The following MAGI1 variants were observed in gnomAD, a reference collection of about 807,000 sequenced individuals.
MAGI1 encodes membrane-associated guanylate kinase, WW and PDZ domain-containing protein 1.
Under a neutral mutation model 139.9 loss-of-function variants are expected in MAGI1, and 58 were observed. That is an observed-to-expected ratio of 0.41 (90% CI 0.34 to 0.52). The LOEUF (loss-of-function observed/expected upper bound fraction) is 0.52, where lower values mean the gene tolerates loss of function less well. Among genes scored for constraint, MAGI1 ranks in the 20% least tolerant of loss-of-function variants. The pLI is 0.12. For synonymous variants in MAGI1, 812 were observed against 737.9 expected, an observed-to-expected ratio of 1.10 and a Z score of -1.63; for missense variants, 1,874 against 1,901.6, an observed-to-expected ratio of 0.99 and a Z score of 0.27.
chr3:65,453,178 C>T (rs1326687609), intron 6 of MAGI1, 80 bp downstream of exon 6: 1 of 1,236,934 alleles, frequency 8.1e-7, no homozygotes. Context: ...ACCCGACTGA[C>T]CTGGCTACGA....
intron 1 of MAGI1, among the ~76,000 whole-genome samples, chr3:65,761,828 G>T (rs1022860530): frequency 6.6e-6 from 1 of 152,168 alleles, no homozygotes; most frequent in Admixed American, 6.5e-5. Context: ...CTCCCTTCAA[G>T]GATTGCTGAG....
intron 1 of MAGI1, among the ~76,000 whole-genome samples, chr3:65,963,610 A>G (rs571075405): frequency 4.6e-5 from 7 of 152,288 alleles, no homozygotes; most frequent in African/African-American, 1.7e-4. Flanking sequence ...AGCGAGACTC[A>G]GTCTCTAAAT....
intron 1 of MAGI1, among the ~76,000 whole-genome samples, chr3:65,997,789 C>T (rs1576407686): frequency 6.6e-6 from 1 of 152,288 alleles, no homozygotes; most frequent in East Asian, 1.9e-4. Flanking sequence ...ACACCCTCTC[C>T]CCCTCGACAC....
intron 18 of MAGI1, among the ~76,000 whole-genome samples, chr3:65,368,194 G>A (rs921306509): frequency 3.3e-5 from 5 of 152,182 alleles, no homozygotes. Context: ...TGAAACAAGA[G>A]TATGAGTCTC....
At chr3:65,669,151 G>A (rs760587813) in intron 1 of MAGI1, among the ~76,000 whole-genome samples, 71 of 152,192 alleles carry the variant, frequency 4.7e-4, no homozygotes, top group Non-Finnish European at 8.5e-4. Flanking sequence ...TGGCCAGGCT[G>A]GACTTGAAAT....
chr3:65,710,146 A>G (rs1474863457), intron 1 of MAGI1, among the ~76,000 whole-genome samples: 1 of 152,200 alleles, frequency 6.6e-6, no homozygotes, highest in Non-Finnish European at 1.5e-5. Context: ...ATGGTTTTAA[A>G]AAGCAAAATA....
At chr3:65,521,914 G>C (rs1428054140) in intron 2 of MAGI1, among the ~76,000 whole-genome samples, 1 of 152,014 alleles carries the variant, frequency 6.6e-6, no homozygotes, top group Non-Finnish European at 1.5e-5. Flanking sequence ...AATGTATCTG[G>C]GATGTGTTCC....
chr3:65,681,796 G>C (rs1474839259), intron 1 of MAGI1, among the ~76,000 whole-genome samples: 1 of 152,216 alleles, frequency 6.6e-6, no homozygotes, highest in Non-Finnish European at 1.5e-5. Flanking sequence ...CAAGTGAGTA[G>C]ATGATACCAA....
chr3:65,758,310 G>A (rs1028474372), intron 1 of MAGI1, among the ~76,000 whole-genome samples: 4 of 152,122 alleles, frequency 2.6e-5, no homozygotes, highest in Non-Finnish European at 4.4e-5. Context: ...AAGGTCATTC[G>A]TCCTTTTCAA....
chr3:65,478,618 A>T lies in MAGI1; in HGVS notation c.731T>A (p.Val244Asp), dbSNP rs1209953070. 2 of 1,613,944 alleles carry T rather than the reference A, an allele frequency of 1.2e-6. No individual in the cohort carries two copies. Among genetic ancestry groups the T allele is most frequent in the African/African-American group, 1.3e-5 (1 of 74,912 alleles). ...TGTAAAGCTGCTGTTCATTTCAGGA[A>T]CGTCATCCTCCTCCTCATTCTCCGC... is the stretch of plus-strand genomic sequence containing the variant. Reference protein sequence around the residue: ...VHAENEEEDDVPEMNSSFTAD... With the variant: ...VHAENEEEDDDPEMNSSFTAD... Residue 244 changes from valine to aspartate, a missense_variant, in exon 4 of 23, where the codon GTT (valine) becomes GAT (aspartate). By Grantham distance (152) the Val-to-Asp change is radical. This residue lies in a region of MAGI1 where 648 missense variants were observed against 598.1 expected (regional missense o/e 1.08). Transcript: ENST00000402939.
intron 2 of MAGI1, among the ~76,000 whole-genome samples, chr3:65,583,183 A>T (rs1280672601): frequency 6.6e-6 from 1 of 152,178 alleles, no homozygotes; most frequent in Non-Finnish European, 1.5e-5. Flanking sequence ...ACATGTGGCT[A>T]GTGACCACTG....
In MAGI1 at chr3:65,911,770, T is replaced by C. The variant is rs560281210; in HGVS notation, c.313+126226A>G. ...TACCAAATCATACTTTTATAGCCCATTGGATTATTTCCTAGCATCAAACTT... is the reference window on the plus strand; with the variant it reads ...TACCAAATCATACTTTTATAGCCCACTGGATTATTTCCTAGCATCAAACTT... On this transcript the variant is annotated intron_variant, in intron 1 of 22. Transcript: ENST00000402939. 2.6e-5 allele frequency among the ~76,000 whole-genome samples: 4 copies of C among 152,344 alleles called. No individual in the cohort carries two copies. In the South Asian group the frequency reaches 6.2e-4, roughly 24 times the overall value.
intron 2 of MAGI1, among the ~76,000 whole-genome samples, chr3:65,596,873 C>T (rs1326540133): frequency 4.6e-5 from 7 of 152,202 alleles, no homozygotes; most frequent in African/African-American, 1.7e-4. Context: ...TAACACAGTG[C>T]TCTAACATAC....
At position 66,000,962 on chromosome 3, in the gene MAGI1, G is replaced by A. The variant is rs1420577012; in HGVS notation, c.313+37034C>T. The stretch of plus-strand genomic sequence containing the variant: ...AATTGAAGCTCCAAAAGTTGCAGTC[G>A]GCATGTATTAAGATATTATAAAGAT... On this transcript the variant is annotated intron_variant, in intron 1 of 22. Transcript: ENST00000402939. 5.3e-5 allele frequency among the ~76,000 whole-genome samples: 8 copies of A among 152,136 alleles called. No individual in the cohort carries two copies. In the East Asian group the frequency reaches 9.6e-4, roughly 18 times the overall value.
intron 1 of MAGI1, among the ~76,000 whole-genome samples, chr3:65,962,186 G>A (rs1004567932): frequency 2.7e-5 from 4 of 147,746 alleles, no homozygotes; most frequent in Admixed American, 1.4e-4. Context: ...GCAGTGGTGC[G>A]ATCTCCGTTC....
At chr3:65,861,704 G>A (rs1266499003) in intron 1 of MAGI1, among the ~76,000 whole-genome samples, 1 of 152,154 alleles carries the variant, frequency 6.6e-6, no homozygotes, top group Admixed American at 6.5e-5. Flanking sequence ...AGCTTGCAGA[G>A]GGAAGGGGCG....
At chr3:65,417,574 T>A (rs1174506434) in intron 12 of MAGI1, among the ~76,000 whole-genome samples, 1 of 152,020 alleles carries the variant, frequency 6.6e-6, no homozygotes, top group African/African-American at 2.4e-5. Context: ...TGCCAGTTAC[T>A]GGGATTTTGA....
chr3:65,518,584 A>G lies in MAGI1; in HGVS notation c.431-24953T>C, dbSNP rs182859364. Among the ~76,000 whole-genome samples the G allele has an allele frequency of 6.6e-5, 10 of 152,312 alleles. No individual in the cohort carries two copies. In the East Asian group the frequency reaches 1.7e-3, roughly 27 times the overall value. ...TCCTTGATGTGACTTGGAATCCCAAATAGCTGTTAAGCCAAATTTGATTTG... is the reference window on the plus strand; with the variant it reads ...TCCTTGATGTGACTTGGAATCCCAAGTAGCTGTTAAGCCAAATTTGATTTG... On this transcript the variant is annotated intron_variant, in intron 2 of 22. Transcript: ENST00000402939.
chr3:65,601,040 A>C (rs1409449859), intron 2 of MAGI1, among the ~76,000 whole-genome samples: 1 of 152,200 alleles, frequency 6.6e-6, no homozygotes, highest in Non-Finnish European at 1.5e-5. Flanking sequence ...GGGTGAATAG[A>C]GGGCATGGTA....
Sources: gnomAD v4.1 joint callset for allele counts (sites outside exome capture counted in the v4.1 genomes callset) on GRCh38, gnomAD v4.1.1 for gene constraint, gnomAD v4.1.1 regional missense constraint, MANE v1.5 for transcripts, NCBI Gene and HGNC (gene_info 2026-07-23, HGNC 2026-07-21) for gene names.